The following CASK variants were observed in gnomAD, a reference collection of about 807,000 sequenced individuals.
CASK encodes peripheral plasma membrane protein CASK.
A neutral mutation model predicts 82.9 loss-of-function variants in CASK; 4 were observed. That is an observed-to-expected ratio of 0.05 (90% CI 0.02 to 0.11). CASK has a LOEUF of 0.11. Ranked by LOEUF, CASK falls within the 10% of genes least tolerant of loss-of-function variation. CASK has a pLI of 1.00. For synonymous variants in CASK, 259 were observed against 253.5 expected, an observed-to-expected ratio of 1.02 and a Z score of -0.20; for missense variants, 358 against 720.9, an observed-to-expected ratio of 0.50 and a Z score of 5.76.
intron 1 of CASK, among the ~76,000 whole-genome samples, chrX:41,880,230 A>G (rs2071922721): frequency 8.9e-6 from 1 of 111,960 alleles, no homozygotes; most frequent in Admixed American, 9.5e-5. Context: ...AAGTACAGGT[A>G]GCACAAAGAG....
intron 24 of CASK, among the ~76,000 whole-genome samples, chrX:41,533,010 C>T (rs891017277): frequency 3.6e-5 from 4 of 111,069 alleles, no homozygotes; most frequent in African/African-American, 1.3e-4. Flanking sequence ...GGGGTTTCAC[C>T]ACATTGGCCA....
chrX:41,532,553 C>T (rs1004627152), intron 24 of CASK, among the ~76,000 whole-genome samples: 1 of 111,173 alleles, frequency 9.0e-6, no homozygotes, highest in Admixed American at 9.6e-5. Flanking sequence ...TTAATATTCT[C>T]TCTCCCTACC....
chrX:41,728,480 C>A (rs1049799332), intron 5 of CASK: 1 of 124,228 alleles, frequency 8.0e-6, no homozygotes, highest in East Asian at 2.7e-4. Flanking sequence ...CAGTGGCTTA[C>A]GCCTGTAATC....
chrX:41,557,993 G>C (rs2065179473), intron 18 of CASK, among the ~76,000 whole-genome samples: 1 of 111,142 alleles, frequency 9.0e-6, no homozygotes, highest in Non-Finnish European at 1.9e-5. Flanking sequence ...TCTAGAACCT[G>C]TCAGCCTTAA....
chrX:41,854,224 G>GCGCGCGCGCGCGCA (rs1367817089), intron 1 of CASK, among the ~76,000 whole-genome samples: 1 of 81,718 alleles, frequency 1.2e-5, no homozygotes, highest in African/African-American at 4.6e-5. Context: ...GCGGGCGCGC[G>GCGCGCGCGCGCGCA]CACACACACA....
chrX:41,561,341 C>A (rs1006160508), intron 17 of CASK, among the ~76,000 whole-genome samples: 2 of 111,064 alleles, frequency 1.8e-5, no homozygotes, highest in Admixed American at 1.9e-4. Context: ...AGTGTTAAAG[C>A]CCACACTGCT....
chrX:41,744,138 A>G (rs1438885837), intron 4 of CASK, among the ~76,000 whole-genome samples: 1 of 109,423 alleles, frequency 9.1e-6, no homozygotes, highest in Non-Finnish European at 1.9e-5. Context: ...GCAAAAAAAA[A>G]AAAACTTAAT....
intron 5 of CASK, among the ~76,000 whole-genome samples, chrX:41,672,465 A>G (rs1380804200): frequency 9.0e-6 from 1 of 111,681 alleles, no homozygotes; most frequent in Non-Finnish European, 1.9e-5. Context: ...GGGGCTAGTA[A>G]AAAAAGCAAG....
At chrX:41,838,345 C>T (rs1025189786) in intron 2 of CASK, among the ~76,000 whole-genome samples, 1 of 112,355 alleles carries the variant, frequency 8.9e-6, no homozygotes, top group Non-Finnish European at 1.9e-5. Context: ...TTATTTTTTA[C>T]TGTTGAGGTT....
At chrX:41,907,598 T>C (rs1361651264) in intron 1 of CASK, among the ~76,000 whole-genome samples, 1 of 111,674 alleles carries the variant, frequency 9.0e-6, no homozygotes, top group Non-Finnish European at 1.9e-5. Flanking sequence ...CCAGTAAACA[T>C]TCTAAGATTG....
At position 41,609,575 on chromosome X, in the gene CASK, G is replaced by A. The variant is rs112046495; in HGVS notation, c.1155+329C>T. On this transcript the variant is annotated intron_variant, in intron 12 of 26. Coordinates refer to ENST00000378163, the MANE Select transcript of CASK (RefSeq NM_001367721.1). ...TTTCTTTTTTTTTTTTTTTGAGACA[G>A]AGTCTTGCTTTGTCACCCAGGCTGG... 3.5e-3 allele frequency among the ~76,000 whole-genome samples: 366 copies of A among 103,405 alleles called. 3 individuals carry two copies. Among genetic ancestry groups the A allele is most frequent in the Non-Finnish European group, 5.0e-3 (254 of 50,690 alleles). 89.8% of individuals were successfully genotyped at this position (103,405 alleles called of 115,157 possible).
chrX:41,886,654 CA>C (rs1181283739), intron 1 of CASK, among the ~76,000 whole-genome samples: 1 of 111,637 alleles, frequency 9.0e-6, no homozygotes, highest in East Asian at 2.8e-4. Flanking sequence ...ATAATAAACA[CA>C]TAAGAACTCT....
At chrX:41,897,009 GT>G (rs1006109899) in intron 1 of CASK, among the ~76,000 whole-genome samples, 61 of 111,588 alleles carry the variant, frequency 5.5e-4, no homozygotes, top group African/African-American at 1.9e-3. Context: ...GTTTTAACAG[GT>G]TTTTTTGGTG....
At chrX:41,652,388 G>A (rs530230790) in intron 8 of CASK, among the ~76,000 whole-genome samples, 1 of 112,056 alleles carries the variant, frequency 8.9e-6, no homozygotes, top group African/African-American at 3.2e-5. Context: ...GTAGATGGAC[G>A]TGATATTTTG....
chrX:41,913,115 C>T (rs754480747), intron 1 of CASK, among the ~76,000 whole-genome samples: 1 of 110,669 alleles, frequency 9.0e-6, no homozygotes, highest in South Asian at 3.8e-4. Flanking sequence ...AACTGCTGAC[C>T]AAATATTTTA....
chrX:41,855,229 T>G (rs769791742), intron 1 of CASK, among the ~76,000 whole-genome samples: 4 of 111,653 alleles, frequency 3.6e-5, no homozygotes, highest in Non-Finnish European at 7.5e-5. Context: ...CACAAACTTT[T>G]AAAAATCTGT....
intron 15 of CASK, among the ~76,000 whole-genome samples, chrX:41,577,962 T>A (rs1041079772): frequency 2.4e-4 from 27 of 112,339 alleles, no homozygotes; most frequent in African/African-American, 8.7e-4. Flanking sequence ...ATAAGATTTA[T>A]AAAAGGATGA....
chrX:41,800,165 A>T lies in CASK; in HGVS notation c.173-12882T>A, dbSNP rs141028436. 8.7e-3 allele frequency among the ~76,000 whole-genome samples: 968 copies of T among 111,220 alleles called. 14 individuals are homozygous for T. Among genetic ancestry groups the T allele is most frequent in the African/African-American group, 0.03 (931 of 30,532 alleles). ...TCCTTCAACTTCCTAGGGTGAAAGA[A>T]CTATTCTGAGTACTTTCAGCACCTG... is the stretch of plus-strand genomic sequence containing the variant. On this transcript the variant is annotated intron_variant, in intron 2 of 26. Transcript: ENST00000378163.
At chrX:41,793,499 T>A (rs1409262193) in intron 2 of CASK, among the ~76,000 whole-genome samples, 1 of 112,074 alleles carries the variant, frequency 8.9e-6, no homozygotes, top group Non-Finnish European at 1.9e-5. Context: ...TTCAGCTGCA[T>A]TGTAACTAGT....
Sources: gnomAD v4.1 joint callset for allele counts (sites outside exome capture counted in the v4.1 genomes callset) on GRCh38, gnomAD v4.1.1 for gene constraint, MANE v1.5 for transcripts, NCBI Gene and HGNC (gene_info 2026-07-23, HGNC 2026-07-21) for gene names.